Variants in HPSE2 observed in about 807,000 individuals in gnomAD.
HPSE2 encodes the protein heparanase 2 (inactive).
A neutral mutation model predicts 60.5 loss-of-function variants in HPSE2; 38 were observed. That is an observed-to-expected ratio of 0.63 (90% CI 0.48 to 0.82). HPSE2 has a LOEUF of 0.82. HPSE2 is among the 40% of genes least tolerant of loss of function. The pLI, the probability that HPSE2 is intolerant of heterozygous loss-of-function variation, is 0.00. For missense variants in HPSE2, 713 were observed against 740.4 expected, an observed-to-expected ratio of 0.96 and a Z score of 0.43; for synonymous variants, 295 against 293.2, an observed-to-expected ratio of 1.01 and a Z score of -0.06.
At chr10:99,294,511 C>T in the HPSE2 span, among the ~76,000 whole-genome samples, 4 of 146,920 alleles carry the variant, frequency 2.7e-5, no homozygotes, top group African/African-American at 5.0e-5. Flanking sequence ...TATGTTGCTG[C>T]GCTATATTTA....
intron 3 of HPSE2, among the ~76,000 whole-genome samples, chr10:98,981,907 G>A (rs960144428): frequency 5.3e-5 from 8 of 151,944 alleles, no homozygotes; most frequent in Non-Finnish European, 8.8e-5. Context: ...CCTAATAACT[G>A]AGTCTTGGAA....
chr10:99,134,868 A>G (rs1389307440), intron 3 of HPSE2, among the ~76,000 whole-genome samples: 2 of 152,312 alleles, frequency 1.3e-5, no homozygotes, highest in East Asian at 3.9e-4. Context: ...ACATAACAAT[A>G]TTAACCTTAA....
At chr10:99,203,529 T>C (rs990622428) in intron 2 of HPSE2, among the ~76,000 whole-genome samples, 1 of 149,322 alleles carries the variant, frequency 6.7e-6, no homozygotes, top group African/African-American at 2.5e-5. Context: ...TGCAGCCCCA[T>C]ACTTCAGCAG....
chr10:98,884,700 T>C (rs1236757796), intron 3 of HPSE2, among the ~76,000 whole-genome samples: 1 of 152,098 alleles, frequency 6.6e-6, no homozygotes, highest in Admixed American at 6.6e-5. Flanking sequence ...AATTTTTTCA[T>C]GGATGGTGGA....
intron 9 of HPSE2, among the ~76,000 whole-genome samples, chr10:98,555,342 C>T (rs1943974711): frequency 6.6e-6 from 1 of 152,186 alleles, no homozygotes; most frequent in African/African-American, 2.4e-5. Context: ...GTGCTGTTTG[C>T]ACATTCTGCC....
At chr10:99,087,221 T>TA (rs1447744845) in intron 3 of HPSE2, among the ~76,000 whole-genome samples, 1 of 152,240 alleles carries the variant, frequency 6.6e-6, no homozygotes, top group Non-Finnish European at 1.5e-5. Context: ...ACTTAAATAG[T>TA]AATGGGCGGG....
At chr10:98,958,304 C>G (rs994334751) in intron 3 of HPSE2, among the ~76,000 whole-genome samples, 1 of 151,870 alleles carries the variant, frequency 6.6e-6, no homozygotes, top group Non-Finnish European at 1.5e-5. Context: ...TGTGCAGAAC[C>G]TGGCAGGTTA....
At chr10:98,686,500 C>T (rs1339067941) in intron 6 of HPSE2, among the ~76,000 whole-genome samples, 1 of 152,088 alleles carries the variant, frequency 6.6e-6, no homozygotes, top group Admixed American at 6.6e-5. Flanking sequence ...CTCCTGGATT[C>T]AAGGGACCCT....
At chr10:99,156,304 G>C (rs974187270) in intron 2 of HPSE2, among the ~76,000 whole-genome samples, 2 of 125,786 alleles carry the variant, frequency 1.6e-5, no homozygotes, top group African/African-American at 5.2e-5. Flanking sequence ...CCAAAAAAGA[G>C]AATTTTAGAC....
intron 2 of HPSE2, among the ~76,000 whole-genome samples, chr10:99,167,316 T>C (rs1272617315): frequency 1.3e-5 from 2 of 152,122 alleles, no homozygotes; most frequent in African/African-American, 2.4e-5. Flanking sequence ...GCCCATACTT[T>C]CAATATTGTA....
At chr10:99,277,818 C>T in the HPSE2 span, among the ~76,000 whole-genome samples, 1 of 152,030 alleles carries the variant, frequency 6.6e-6, no homozygotes, top group African/African-American at 2.4e-5. Flanking sequence ...TGATATGCGG[C>T]CGGGCATGGT....
intron 11 of HPSE2, among the ~76,000 whole-genome samples, chr10:98,468,313 A>G (rs1940637599): frequency 6.6e-6 from 1 of 151,868 alleles, no homozygotes; most frequent in Non-Finnish European, 1.5e-5. Flanking sequence ...GTCGCCTGGT[A>G]CCCCATGTCC....
the HPSE2 span, among the ~76,000 whole-genome samples, chr10:99,259,661 G>T: frequency 1.3e-5 from 2 of 152,148 alleles, no homozygotes; most frequent in Non-Finnish European, 2.9e-5. Flanking sequence ...CAACAGAAAT[G>T]GACTAGGTAA....
At chr10:99,026,356 A>C (rs1486184708) in intron 3 of HPSE2, among the ~76,000 whole-genome samples, 1 of 152,092 alleles carries the variant, frequency 6.6e-6, no homozygotes, top group African/African-American at 2.4e-5. Flanking sequence ...CAGGAGAAAA[A>C]CTATCAGAGA....
chr10:99,021,925 G>A (rs1341839863), intron 3 of HPSE2, among the ~76,000 whole-genome samples: 2 of 151,424 alleles, frequency 1.3e-5, no homozygotes, highest in African/African-American at 4.9e-5. Flanking sequence ...AAGTTTTAGG[G>A]TACATGTGCA....
At chr10:98,479,411 G>T (rs1046328674) in intron 11 of HPSE2, among the ~76,000 whole-genome samples, 2 of 152,164 alleles carry the variant, frequency 1.3e-5, no homozygotes, top group Non-Finnish European at 2.9e-5. Flanking sequence ...AGACACCAAA[G>T]GCTGAAATCA....
chr10:98,499,744 A>G (rs185595153), intron 9 of HPSE2, among the ~76,000 whole-genome samples: 8 of 152,350 alleles, frequency 5.3e-5, no homozygotes, highest in Admixed American at 1.3e-4. Flanking sequence ...AGAATGGATA[A>G]GAACTCAACA....
intron 6 of HPSE2, among the ~76,000 whole-genome samples, chr10:98,643,033 TGAG>T (rs1168838191): frequency 6.6e-6 from 1 of 152,252 alleles, no homozygotes; most frequent in Non-Finnish European, 1.5e-5. Flanking sequence ...GTACTTTAGT[TGAG>T]GTAAGGGTGG....
intron 3 of HPSE2, among the ~76,000 whole-genome samples, chr10:98,856,048 C>A (rs561266119): frequency 6.6e-6 from 1 of 152,146 alleles, no homozygotes; most frequent in Non-Finnish European, 1.5e-5. Context: ...CCATAAAATG[C>A]AAACTCCTGA....
Sources: allele counts gnomAD v4.1 joint callset (sites outside exome capture counted in the v4.1 genomes callset), GRCh38; gene constraint gnomAD v4.1.1; transcripts MANE v1.5; gene names NCBI Gene and HGNC (gene_info 2026-07-23, HGNC 2026-07-21).